Variants in PIP5K1C observed in about 807,000 individuals in gnomAD.
The protein encoded by PIP5K1C is phosphatidylinositol-4-phosphate 5-kinase type 1 gamma, also known as phosphatidylinositol 4-phosphate 5-kinase type-1 gamma.
PIP5K1C carries 45 observed loss-of-function variants against 80.1 expected under a neutral mutation model. The observed-to-expected ratio is 0.56, with a 90% CI of 0.44 to 0.72. The LOEUF is 0.72. Among genes scored for constraint, PIP5K1C ranks in the 30% least tolerant of loss-of-function variants. PIP5K1C has a pLI of 0.00. For missense variants in PIP5K1C, 753 were observed against 954.6 expected (o/e 0.79, Z 2.78); for synonymous variants, 498 against 420.1 (o/e 1.19, Z -2.27).
Position 3,648,656 on chromosome 19 carries a change from T to C in PIP5K1C, c.1180A>G (p.Ile394Val), listed in dbSNP as rs1164766584. The C allele has an allele frequency of 6.2e-6, 10 of 1,613,008 alleles. No homozygotes were observed. The Admixed American group carries it at 8.3e-5, about 13-fold the overall frequency. The change falls in exon 9 of 18, where the codon ATT becomes GTT. Residue 394 changes from isoleucine to valine, a missense_variant. Physicochemically the swap from Ile to Val is conservative, Grantham distance 29 (BLOSUM62 3). Transcript: ENST00000335312. The surrounding 1 kb of genome is among the most constrained non-coding windows in gnomAD (Gnocchi z 4.3). ...GACTGCAGGATGTCGATGATGCCAA[T>C]GTGCAGCAGCAGCCGCTCCCCGCGG... Reference protein sequence around the residue: ...NGRGERLLLHIGIIDILQSYR... With the variant: ...NGRGERLLLHVGIIDILQSYR...
chr19:3,677,545 T>C (rs2145555944), intron 1 of PIP5K1C, among the ~76,000 whole-genome samples: 1 of 151,636 alleles, frequency 6.6e-6, no homozygotes, highest in East Asian at 1.9e-4. Context: ...ATCATGCCAC[T>C]GCACTCCAGC....
At chr19:3,691,171 C>T (rs970160718) in intron 1 of PIP5K1C, among the ~76,000 whole-genome samples, 8 of 152,300 alleles carry the variant, frequency 5.3e-5, no homozygotes, top group South Asian at 2.1e-4. Flanking sequence ...GACGAATATA[C>T]GCTGCAATGA....
Position 3,667,329 on chromosome 19 carries a change from G to T in PIP5K1C, c.119C>A (p.Pro40Gln). ...AAGLAQKKAA[P>Q]TEVLSMTAQP... The stretch of plus-strand genomic sequence containing the variant: ...TCCGCTCCAGACACTCACCTCTGTT[G>T]GGGCCGCCTTCTTCTGAGCCAAACC... The change falls in exon 2 of 18, where the codon CCA becomes CAA. Residue 40 changes from proline to glutamine, a missense_variant. Physicochemically the swap from Pro to Gln is moderately conservative, Grantham distance 76 (BLOSUM62 -1). This residue lies in a region of PIP5K1C where 78 missense variants were observed against 67.1 expected (regional missense o/e 1.16). Coordinates refer to ENST00000335312, the MANE Select transcript of PIP5K1C (RefSeq NM_012398.3). 2.5e-6 allele frequency: 4 copies of T among 1,612,922 alleles called. No individual in the cohort carries two copies. Among genetic ancestry groups the T allele is most frequent in the Non-Finnish European group, 3.4e-6 (4 of 1,179,866 alleles).
At chr19:3,658,797 A>G (rs1332742246) in intron 5 of PIP5K1C, among the ~76,000 whole-genome samples, 1 of 152,234 alleles carries the variant, frequency 6.6e-6, no homozygotes, top group African/African-American at 2.4e-5. Flanking sequence ...GAAATTCTGA[A>G]GCCACATGAC....
chr19:3,696,756 G>A lies in PIP5K1C; in HGVS notation c.94+3541C>T, dbSNP rs924545812. Among the ~76,000 whole-genome samples, 1 of 149,512 alleles carries A rather than the reference G, an allele frequency of 6.7e-6. No homozygotes were observed. The highest frequency in any genetic ancestry group is 1.5e-5 in the Non-Finnish European group (1 of 67,170). On this transcript the variant is annotated intron_variant, in intron 1 of 17. Coordinates refer to ENST00000335312, the MANE Select transcript of PIP5K1C (RefSeq NM_012398.3). The surrounding 1 kb of genome is among the most constrained non-coding windows in gnomAD (Gnocchi z 4.1). ...CGGAGGGGAGGGCAGGGAGGGCAGGGAGGGCCCGGGGCAGGCTGTGCAGGG... is the reference window on the plus strand; with the variant it reads ...CGGAGGGGAGGGCAGGGAGGGCAGGAAGGGCCCGGGGCAGGCTGTGCAGGG...
intron 1 of PIP5K1C, among the ~76,000 whole-genome samples, chr19:3,676,792 G>A (rs1386965530): frequency 6.6e-6 from 1 of 152,214 alleles, no homozygotes. Flanking sequence ...AAAAAAAGGA[G>A]AGAAAGGGAG....
At chr19:3,686,396 G>A (rs991076839) in intron 1 of PIP5K1C, among the ~76,000 whole-genome samples, 4 of 151,646 alleles carry the variant, frequency 2.6e-5, no homozygotes, top group African/African-American at 9.7e-5. Context: ...CTCCAGCCTG[G>A]GCGACAGAGT....
In PIP5K1C at chr19:3,696,127, G is replaced by A. The variant is rs1194278418; in HGVS notation, c.94+4170C>T. On this transcript the variant is annotated intron_variant, in intron 1 of 17. Coordinates refer to ENST00000335312, the MANE Select transcript of PIP5K1C (RefSeq NM_012398.3). This position sits in a 1 kb window ranked among gnomAD's most constrained non-coding sequence, Gnocchi z 4.1. Reference sequence around the variant, plus strand: ...CCGCCCTGTGACCACACTACACTGTGCTCCAGGCAGGCGGGGCCTCTGCTG... The same window carrying A: ...CCGCCCTGTGACCACACTACACTGTACTCCAGGCAGGCGGGGCCTCTGCTG... Among the ~76,000 whole-genome samples, 2 of 152,220 alleles carry A rather than the reference G, an allele frequency of 1.3e-5. No individual in the cohort carries two copies. The highest frequency in any genetic ancestry group is 1.3e-4 in the Admixed American group (2 of 15,284).
chr19:3,650,253 C>T (rs1243802515), intron 8 of PIP5K1C, among the ~76,000 whole-genome samples: 1 of 152,260 alleles, frequency 6.6e-6, no homozygotes, highest in Non-Finnish European at 1.5e-5. Context: ...CGTGGCTGCA[C>T]TGGGGAAGGC....
intron 1 of PIP5K1C, among the ~76,000 whole-genome samples, chr19:3,680,615 T>G (rs1292688238): frequency 1.3e-5 from 2 of 152,218 alleles, no homozygotes; most frequent in Non-Finnish European, 2.9e-5. Context: ...CTAAATACAA[T>G]GTCTAATAAG....
At chr19:3,691,144 T>C (rs553415399) in intron 1 of PIP5K1C, among the ~76,000 whole-genome samples, 2 of 152,270 alleles carry the variant, frequency 1.3e-5, no homozygotes, top group Middle Eastern at 3.4e-3. Context: ...AAGGACTTTT[T>C]CTCTGAGTCA....
chr19:3,665,714 C>T lies in PIP5K1C; in HGVS notation c.127-800G>A, dbSNP rs112596241. On this transcript the variant is annotated intron_variant, in intron 2 of 17. Coordinates refer to ENST00000335312, the MANE Select transcript of PIP5K1C (RefSeq NM_012398.3). ...GGCTCCTGCAAGCTGTCGGGCAGCG[C>T]GGGTGTCCCAGCAGATGGGACCGCC... Among the ~76,000 whole-genome samples the T allele has an allele frequency of 7.5e-3, 1,145 of 152,280 alleles. 14 individuals carry two copies. The highest frequency in any genetic ancestry group is 0.024 in the African/African-American group (1,000 of 41,546).
intron 1 of PIP5K1C, 24 bp downstream of exon 1, chr19:3,700,273 A>G: frequency 3.3e-6 from 4 of 1,207,170 alleles, no homozygotes; most frequent in Non-Finnish European, 2.1e-6. Context: ...AGCGGGCCGC[A>G]GCCCCGGGAG....
intron 1 of PIP5K1C, among the ~76,000 whole-genome samples, chr19:3,671,807 A>G (rs1292558615): frequency 1.3e-5 from 2 of 152,238 alleles, no homozygotes; most frequent in Non-Finnish European, 2.9e-5. Context: ...AGGCCCGCTC[A>G]GGGCACAGAG....
intron 5 of PIP5K1C, among the ~76,000 whole-genome samples, chr19:3,657,998 G>A (rs2034695421): frequency 6.6e-6 from 1 of 152,140 alleles, no homozygotes; most frequent in Non-Finnish European, 1.5e-5. Flanking sequence ...GGGGCTTGAG[G>A]CGTGAGTTGG....
intron 1 of PIP5K1C, among the ~76,000 whole-genome samples, chr19:3,693,688 G>C (rs907751331): frequency 6.6e-6 from 1 of 150,408 alleles, no homozygotes; most frequent in African/African-American, 2.5e-5. Flanking sequence ...CAAAGACCCA[G>C]GTCGTGCAGC....
chr19:3,697,520 A>G (rs2036163288), intron 1 of PIP5K1C, among the ~76,000 whole-genome samples: 1 of 152,100 alleles, frequency 6.6e-6, no homozygotes, highest in African/African-American at 2.4e-5. Context: ...ACCAAGCTGG[A>G]CCCGGGAGGA....
Position 3,689,788 on chromosome 19 carries a change from CACTA to C in PIP5K1C, c.94+10505_94+10508del, listed in dbSNP as rs375967818. ...ACACACGCACACGCTAACACACACA[CACTA>C]ACTCACATGCACTCTCACACACACA... On this transcript the variant is annotated intron_variant, in intron 1 of 17. Transcript: ENST00000335312. Among the ~76,000 whole-genome samples, 196 of 152,094 alleles carry C rather than the reference CACTA, an allele frequency of 1.3e-3. 1 individual carries two copies. The highest frequency in any genetic ancestry group is 4.4e-3 in the African/African-American group (182 of 41,448).
Position 3,631,904 on chromosome 19 carries a change from A to G in PIP5K1C, c.*1263T>C, listed in dbSNP as rs2033482626. The G allele has an allele frequency of 6.6e-6, 1 of 152,238 alleles. No homozygotes were observed. The highest frequency in any genetic ancestry group is 2.4e-5 in the African/African-American group (1 of 41,452). The allele number at this position is 152,238 out of a possible 1,614,324, so 9.4% of individuals were successfully genotyped here. A position where few individuals can be genotyped will look rare whatever the true frequency, so the allele number is the denominator to read the frequency against. ...CTCCAGCTCCTCACATCCTGGGCAC[A>G]TCTTGGAAGTGGGGGATTCCCACAG... On this transcript the variant is annotated 3_prime_UTR_variant, in exon 18 of 18. Coordinates refer to ENST00000335312, the MANE Select transcript of PIP5K1C (RefSeq NM_012398.3).
Sources: gnomAD v4.1 joint callset for allele counts (sites outside exome capture counted in the v4.1 genomes callset) on GRCh38, gnomAD v4.1.1 for gene constraint, gnomAD v4.1.1 regional missense constraint, Gnocchi (gnomAD v3.1) non-coding constraint, MANE v1.5 for transcripts, NCBI Gene and HGNC (gene_info 2026-07-23, HGNC 2026-07-21) for gene names.